ADGRB3: variants seen among roughly 807,000 people sequenced by gnomAD.
The protein encoded by ADGRB3 is adhesion G protein-coupled receptor B3.
Under a neutral mutation model 193.4 loss-of-function variants are expected in ADGRB3, and 37 were observed. The observed-to-expected ratio is 0.19, with a 90% CI of 0.15 to 0.25. ADGRB3 has a LOEUF of 0.25. Ranked by LOEUF, ADGRB3 falls within the 10% of genes least tolerant of loss-of-function variation. ADGRB3 has a pLI of 1.00. For synonymous variants in ADGRB3, 690 were observed against 644.2 expected (o/e 1.07, Z -1.08); for missense variants, 1,637 against 1,852.9 (o/e 0.88, Z 2.14).
intron 13 of ADGRB3, among the ~76,000 whole-genome samples, chr6:69,033,594 G>A (rs1486162858): frequency 6.6e-6 from 1 of 152,094 alleles, no homozygotes; most frequent in East Asian, 1.9e-4. Flanking sequence ...TTCTTATATG[G>A]CTAGTTTAGC....
rs142484391 is a variant in ADGRB3 at position 69,358,435 on chromosome 6, G to A, written c.3596-2434G>A. 3.0e-3 allele frequency among the ~76,000 whole-genome samples: 459 copies of A among 151,866 alleles called. 5 individuals carry two copies. The highest frequency in any genetic ancestry group is 0.017 in the Middle Eastern group (5 of 294). On this transcript the variant is annotated intron_variant, in intron 28 of 31. Coordinates refer to ENST00000370598, the MANE Select transcript of ADGRB3 (RefSeq NM_001704.3). ...CTTCATTAAATTACAGATTTTTCCC[G>A]GGCCTCATTGTATGCTGGGATTTAG...
chr6:68,878,060 C>T (rs1765638964), intron 3 of ADGRB3, among the ~76,000 whole-genome samples: 1 of 151,962 alleles, frequency 6.6e-6, no homozygotes, highest in Non-Finnish European at 1.5e-5. Flanking sequence ...AACTATAATT[C>T]CTGTTGCTGT....
chr6:69,208,025 C>T (rs1299661853), intron 17 of ADGRB3, among the ~76,000 whole-genome samples: 2 of 152,180 alleles, frequency 1.3e-5, no homozygotes, highest in African/African-American at 2.4e-5. Flanking sequence ...GAGGGCTCGG[C>T]GTTGGTCTCT....
chr6:68,707,069 C>T (rs1004111753), intron 3 of ADGRB3, among the ~76,000 whole-genome samples: 2 of 145,556 alleles, frequency 1.4e-5, no homozygotes, highest in African/African-American at 5.2e-5. Flanking sequence ...CAAGATTGCA[C>T]CACGGCACTC....
At chr6:68,956,622 T>C in intron 7 of ADGRB3, 23 bp from the exon 8 acceptor site, 2 of 1,613,294 alleles carry the variant, frequency 1.2e-6, no homozygotes, top group Non-Finnish European at 1.7e-6. Flanking sequence ...TGACTGACAT[T>C]GACCATGAAA....
intron 17 of ADGRB3, among the ~76,000 whole-genome samples, chr6:69,133,022 A>G (rs1217085850): frequency 2.0e-5 from 3 of 152,284 alleles, no homozygotes; most frequent in Non-Finnish European, 2.9e-5. Context: ...TGTTTTGGTT[A>G]CTGTTGCCTT....
At chr6:68,826,516 T>G (rs1270380918) in intron 3 of ADGRB3, among the ~76,000 whole-genome samples, 2 of 152,144 alleles carry the variant, frequency 1.3e-5, no homozygotes, top group Non-Finnish European at 2.9e-5. Context: ...AAATTTGGCT[T>G]TTACTCCAAG....
chr6:68,767,096 GCT>G (rs1766524576), intron 3 of ADGRB3, among the ~76,000 whole-genome samples: 1 of 151,906 alleles, frequency 6.6e-6, no homozygotes, highest in Non-Finnish European at 1.5e-5. Flanking sequence ...CTTTTAAAGT[GCT>G]TTCATTTTAA....
At chr6:68,969,204 G>T (rs1255803517) in intron 8 of ADGRB3, among the ~76,000 whole-genome samples, 1 of 152,106 alleles carries the variant, frequency 6.6e-6, no homozygotes, top group Non-Finnish European at 1.5e-5. Flanking sequence ...TCAATCTGTT[G>T]TGAGAAGGGC....
chr6:69,117,658 T>TTTTTCA (rs1225908522), intron 17 of ADGRB3, among the ~76,000 whole-genome samples: 1 of 152,200 alleles, frequency 6.6e-6, no homozygotes, highest in Non-Finnish European at 1.5e-5. Context: ...TGTTTTTAAA[T>TTTTTCA]TTTTCATTAT....
chr6:68,909,344 T>C (rs1197618653), intron 3 of ADGRB3, among the ~76,000 whole-genome samples: 1 of 152,332 alleles, frequency 6.6e-6, no homozygotes, highest in African/African-American at 2.4e-5. Context: ...TTTAGTATCG[T>C]AGGACAAACA....
intron 17 of ADGRB3, among the ~76,000 whole-genome samples, chr6:69,230,600 T>C (rs1331259436): frequency 6.6e-6 from 1 of 152,242 alleles, no homozygotes; most frequent in East Asian, 1.9e-4. Context: ...GTTATATGTA[T>C]GCTAGTGAGT....
chr6:69,201,864 A>G (rs1765423771), intron 17 of ADGRB3, among the ~76,000 whole-genome samples: 1 of 152,144 alleles, frequency 6.6e-6, no homozygotes, highest in African/African-American at 2.4e-5. Flanking sequence ...CATCAAACTT[A>G]ACATATCTTC....
At chr6:68,892,972 A>T (rs1372132728) in intron 3 of ADGRB3, among the ~76,000 whole-genome samples, 4 of 152,086 alleles carry the variant, frequency 2.6e-5, no homozygotes, top group African/African-American at 9.7e-5. Flanking sequence ...ACACCAGAGG[A>T]ATAATTTATT....
intron 15 of ADGRB3, among the ~76,000 whole-genome samples, chr6:69,052,496 TAA>T (rs1042705896): frequency 3.3e-5 from 5 of 152,334 alleles, no homozygotes; most frequent in Admixed American, 6.5e-5. Flanking sequence ...ACAGAAATAA[TAA>T]GAGTAGTTTT....
intron 3 of ADGRB3, among the ~76,000 whole-genome samples, chr6:68,795,265 TAAA>T (rs568990118): frequency 6.6e-6 from 1 of 150,412 alleles, no homozygotes; most frequent in Non-Finnish European, 1.5e-5. Flanking sequence ...CTGGCATTTC[TAAA>T]AAAAAAGAAG....
At chr6:69,315,338 A>G (rs1303557576) in intron 20 of ADGRB3, among the ~76,000 whole-genome samples, 2 of 151,508 alleles carry the variant, frequency 1.3e-5, no homozygotes, top group African/African-American at 4.8e-5. Context: ...TTCAAAATTA[A>G]CGTTTAAGCA....
intron 17 of ADGRB3, among the ~76,000 whole-genome samples, chr6:69,081,581 AT>A (rs1321734125): frequency 6.6e-6 from 1 of 151,934 alleles, no homozygotes; most frequent in Non-Finnish European, 1.5e-5. Context: ...ACTATACATT[AT>A]TTTTTGAAGT....
At chr6:68,661,470 T>C (rs376497263) in intron 3 of ADGRB3, among the ~76,000 whole-genome samples, 14 of 93,706 alleles carry the variant, frequency 1.5e-4, no homozygotes, top group African/African-American at 4.9e-4. Context: ...TGTGTGTATA[T>C]ATATGTGTAT....
Sources: gnomAD v4.1 joint callset for allele counts (sites outside exome capture counted in the v4.1 genomes callset) on GRCh38, gnomAD v4.1.1 for gene constraint, MANE v1.5 for transcripts, NCBI Gene and HGNC (gene_info 2026-07-23, HGNC 2026-07-21) for gene names.